The following PHF24 variants were observed in gnomAD, a reference collection of about 807,000 sequenced individuals.
The protein encoded by PHF24 is Galpha inhibitory interacting protein.
Under a neutral mutation model 42.6 loss-of-function variants are expected in PHF24, and 25 were observed. That is an observed-to-expected ratio of 0.59 (90% CI 0.43 to 0.82). The LOEUF (loss-of-function observed/expected upper bound fraction) is 0.82. Ranked by LOEUF, PHF24 falls within the 40% of genes least tolerant of loss-of-function variation. The pLI, the probability that PHF24 is intolerant of heterozygous loss-of-function variation, is 0.00. For missense variants in PHF24, 470 were observed against 538.1 expected, an observed-to-expected ratio of 0.87 and a Z score of 1.25; for synonymous variants, 185 against 204.8, an observed-to-expected ratio of 0.90 and a Z score of 0.83.
At chr9:34,840,047 A>G in the PHF24 span, among the ~76,000 whole-genome samples, 1 of 152,306 alleles carries the variant, frequency 6.6e-6, no homozygotes, top group East Asian at 1.9e-4. Flanking sequence ...GTCTATCTTT[A>G]GCAGAGGTGC....
the PHF24 span, among the ~76,000 whole-genome samples, chr9:34,780,298 C>CTTTTTTTTTTTTTTTTTTTTTT: frequency 2.8e-4 from 18 of 63,910 alleles, no homozygotes; most frequent in South Asian, 5.4e-4. Context: ...TTCTTTTTTT[C>CTTTTTTTTTTTTTTTTTTTTTT]TTTTTTTTTT....
the PHF24 span, among the ~76,000 whole-genome samples, chr9:34,871,860 A>G: frequency 3.3e-5 from 5 of 152,188 alleles, no homozygotes; most frequent in African/African-American, 1.2e-4. Context: ...TTCCATGTTG[A>G]GATAGTCTTT....
chr9:34,914,727 A>G, the PHF24 span, among the ~76,000 whole-genome samples: 2,476 of 151,984 alleles, frequency 0.016, 50 homozygotes, highest in African/African-American at 0.049. Flanking sequence ...GTCTTTTCCA[A>G]TCATCTAAAT....
chr9:34,912,006 A>T, the PHF24 span, among the ~76,000 whole-genome samples: 1 of 152,220 alleles, frequency 6.6e-6, no homozygotes, highest in African/African-American at 2.4e-5. Context: ...CCCATTTTTC[A>T]TGGCCATAGG....
chr9:34,823,482 C>G, the PHF24 span, among the ~76,000 whole-genome samples: 1 of 152,164 alleles, frequency 6.6e-6, no homozygotes, highest in Non-Finnish European at 1.5e-5. Context: ...TCCTTGCCTA[C>G]CTTTTCTAGA....
the PHF24 span, among the ~76,000 whole-genome samples, chr9:34,855,562 G>T: frequency 6.6e-6 from 1 of 152,152 alleles, no homozygotes; most frequent in South Asian, 2.1e-4. Context: ...ATTAAATTCT[G>T]GGTTAGAAAT....
the PHF24 span, among the ~76,000 whole-genome samples, chr9:34,807,386 G>C: frequency 6.6e-6 from 1 of 152,136 alleles, no homozygotes; most frequent in Non-Finnish European, 1.5e-5. Flanking sequence ...GTAAAGTAGG[G>C]ATGCAGTAAA....
chr9:34,689,524 T>C, the PHF24 span: 1 of 362,550 alleles, frequency 2.8e-6, no homozygotes, highest in Non-Finnish European at 4.9e-6. This position sits in a 1 kb window ranked among gnomAD's most constrained non-coding sequence, Gnocchi z 4.1. Context: ...AGTTAAGCAG[T>C]AGGAGTGGAG....
At chr9:34,875,934 A>ACTCTCTCTCTCTCTCTCTCT in the PHF24 span, among the ~76,000 whole-genome samples, 2 of 78,152 alleles carry the variant, frequency 2.6e-5, no homozygotes, top group Non-Finnish European at 5.2e-5. Context: ...ACACACACAC[A>ACTCTCTCTCTCTCTCTCTCT]CACACACACA....
At chr9:34,703,803 C>A in the PHF24 span, among the ~76,000 whole-genome samples, 1 of 151,830 alleles carries the variant, frequency 6.6e-6, no homozygotes, top group South Asian at 2.1e-4. Context: ...TGGGCTTAAG[C>A]CGTTCTCCTA....
the PHF24 span, among the ~76,000 whole-genome samples, chr9:34,882,939 C>T: frequency 6.6e-6 from 1 of 152,178 alleles, no homozygotes; most frequent in African/African-American, 2.4e-5. Context: ...AAGCTGGAGG[C>T]ATCACGCTAC....
the PHF24 span, among the ~76,000 whole-genome samples, chr9:34,806,907 G>A: frequency 6.6e-6 from 1 of 152,326 alleles, no homozygotes; most frequent in Admixed American, 6.5e-5. Flanking sequence ...GCAGTTTGCA[G>A]CATTGCTGAA....
chr9:34,796,425 A>G, the PHF24 span, among the ~76,000 whole-genome samples: 5,956 of 152,112 alleles, frequency 0.039, 264 homozygotes, highest in African/African-American at 0.1. Flanking sequence ...AAAAATTTAA[A>G]AAAAAACAAG....
the PHF24 span, among the ~76,000 whole-genome samples, chr9:34,911,305 A>T: frequency 1.3e-5 from 2 of 151,672 alleles, no homozygotes; most frequent in African/African-American, 4.8e-5. Flanking sequence ...CCCAGGCTAG[A>T]GTGCAGTGGC....
chr9:34,938,974 T>TA, the PHF24 span, among the ~76,000 whole-genome samples: 27 of 144,414 alleles, frequency 1.9e-4, no homozygotes, highest in East Asian at 1.0e-3. Flanking sequence ...GTGATTTATT[T>TA]AAAAAAAAAT....
chr9:34,956,589 C>T (rs1176819943), upstream of PHF24, among the ~76,000 whole-genome samples: 3 of 152,136 alleles, frequency 2.0e-5, no homozygotes, highest in Admixed American at 6.5e-5. Flanking sequence ...AGGAATTAAC[C>T]GACAGAGATT....
At chr9:34,724,707 T>G in the PHF24 span, 3 of 1,550,838 alleles carry the variant, frequency 1.9e-6, no homozygotes, top group East Asian at 7.3e-5. Context: ...CTCTCATTGT[T>G]GCCTTGAGGG....
the PHF24 span, among the ~76,000 whole-genome samples, chr9:34,859,936 T>C: frequency 1.3e-5 from 2 of 152,196 alleles, no homozygotes; most frequent in Non-Finnish European, 2.9e-5. Context: ...CTCCCATGCA[T>C]ATATCAACCA....
chr9:34,935,447 A>T, the PHF24 span, among the ~76,000 whole-genome samples: 45 of 152,274 alleles, frequency 3.0e-4, 1 homozygote, highest in Middle Eastern at 6.8e-3. Flanking sequence ...TACAAAAATT[A>T]GCCGGGCATG....
Sources: gnomAD v4.1 joint callset for allele counts (sites outside exome capture counted in the v4.1 genomes callset) on GRCh38, gnomAD v4.1.1 for gene constraint, Gnocchi (gnomAD v3.1) non-coding constraint, MANE v1.5 for transcripts, NCBI Gene and HGNC (gene_info 2026-07-23, HGNC 2026-07-21) for gene names.